The following CHCHD3 variants were observed in gnomAD, a reference collection of about 807,000 sequenced individuals.
CHCHD3 encodes the protein MICOS complex subunit MIC19.
Under a neutral mutation model 38.2 loss-of-function variants are expected in CHCHD3, and 20 were observed. The observed-to-expected ratio is 0.52, with a 90% CI of 0.37 to 0.76. The LOEUF is 0.76. Among genes scored for constraint, CHCHD3 ranks in the 30% least tolerant of loss-of-function variants. The pLI, the probability that CHCHD3 is intolerant of heterozygous loss-of-function variation, is 0.00. For missense variants in CHCHD3, 245 were observed against 279.2 expected (o/e 0.88, Z 0.87); for synonymous variants, 82 against 100.0 (o/e 0.82, Z 1.07).
intron 5 of CHCHD3, among the ~76,000 whole-genome samples, chr7:132,846,379 C>T (rs1808076488): frequency 6.6e-6 from 1 of 152,216 alleles, no homozygotes; most frequent in African/African-American, 2.4e-5. Flanking sequence ...CAGGAGTGAG[C>T]CCAGCTGATA....
At chr7:132,954,009 G>C (rs965974611) in intron 4 of CHCHD3, among the ~76,000 whole-genome samples, 1 of 152,156 alleles carries the variant, frequency 6.6e-6, no homozygotes, top group Non-Finnish European at 1.5e-5. Context: ...AATCAGGAAG[G>C]CTTCTTGAAG....
At chr7:132,991,491 T>G (rs1369335534) in intron 3 of CHCHD3, among the ~76,000 whole-genome samples, 1 of 152,142 alleles carries the variant, frequency 6.6e-6, no homozygotes, top group Non-Finnish European at 1.5e-5. Flanking sequence ...CCATTTTATA[T>G]CATGTTTAAT....
intron 4 of CHCHD3, among the ~76,000 whole-genome samples, chr7:132,945,862 A>G (rs1045318303): frequency 6.6e-6 from 1 of 151,908 alleles, no homozygotes; most frequent in African/African-American, 2.4e-5. Flanking sequence ...GTTCAATGCA[A>G]TCTACATAAA....
intron 4 of CHCHD3, among the ~76,000 whole-genome samples, chr7:132,944,955 T>G (rs1378416643): frequency 1.3e-5 from 2 of 152,028 alleles, no homozygotes; most frequent in Non-Finnish European, 2.9e-5. Flanking sequence ...TTTATTGACT[T>G]TATAGGCAGT....
chr7:132,940,057 T>C (rs1810726575), intron 4 of CHCHD3, among the ~76,000 whole-genome samples: 1 of 152,040 alleles, frequency 6.6e-6, no homozygotes, highest in African/African-American at 2.4e-5. Context: ...GTCACTCCCA[T>C]TAGCAATATT....
At position 132,985,874 on chromosome 7, in the gene CHCHD3, TG is replaced by T. The variant is rs1403258828; in HGVS notation, c.252-10589del. ...CCTACTGGGAAGTGAGGAGCCCCTC[TG>T]CCCGGCCACCACCCCGTCTGGGAGG... is the stretch of plus-strand genomic sequence containing the variant. On this transcript the variant is annotated intron_variant, in intron 3 of 7. Coordinates refer to ENST00000262570, the MANE Select transcript of CHCHD3 (RefSeq NM_017812.4). Among the ~76,000 whole-genome samples the T allele has an allele frequency of 1.7e-4, 22 of 126,138 alleles. No homozygotes were observed. The Admixed American group carries it at 1.8e-3, about 11-fold the overall frequency. 82.8% of individuals were successfully genotyped at this position (126,138 alleles called of 152,430 possible).
intron 3 of CHCHD3, among the ~76,000 whole-genome samples, chr7:133,021,706 T>C (rs969913046): frequency 1.3e-5 from 2 of 152,176 alleles, no homozygotes; most frequent in Non-Finnish European, 2.9e-5. Context: ...GTAGAGTGAC[T>C]AGATATGTGG....
At chr7:132,991,150 T>A (rs180791606) in intron 3 of CHCHD3, among the ~76,000 whole-genome samples, 18 of 152,360 alleles carry the variant, frequency 1.2e-4, no homozygotes, top group Admixed American at 3.9e-4. Flanking sequence ...TTTTTGATTC[T>A]TACATTGAGC....
At chr7:133,010,165 T>G (rs1812822143) in intron 3 of CHCHD3, among the ~76,000 whole-genome samples, 1 of 152,196 alleles carries the variant, frequency 6.6e-6, no homozygotes, top group Non-Finnish European at 1.5e-5. Flanking sequence ...TCAAGGTACT[T>G]GCCCACTCCA....
intron 6 of CHCHD3, among the ~76,000 whole-genome samples, chr7:132,804,572 G>T (rs953872181): frequency 2.0e-5 from 3 of 152,102 alleles, no homozygotes; most frequent in Non-Finnish European, 1.5e-5. Flanking sequence ...AATACCAAGA[G>T]AAGTCAAGAA....
At chr7:132,814,649 T>C (rs992649398) in intron 6 of CHCHD3, among the ~76,000 whole-genome samples, 11 of 152,210 alleles carry the variant, frequency 7.2e-5, no homozygotes, top group African/African-American at 2.7e-4. Context: ...AGTGAGAAAC[T>C]GAAGCCTTAC....
At chr7:132,806,732 A>G (rs1253517496) in intron 6 of CHCHD3, among the ~76,000 whole-genome samples, 1 of 151,966 alleles carries the variant, frequency 6.6e-6, no homozygotes, top group African/African-American at 2.4e-5. Flanking sequence ...TTACATACAG[A>G]TTAAAGAGCC....
intron 3 of CHCHD3, among the ~76,000 whole-genome samples, chr7:133,011,027 G>A (rs1295235381): frequency 6.6e-6 from 1 of 152,140 alleles, no homozygotes; most frequent in Non-Finnish European, 1.5e-5. Context: ...TCTCTGTAGG[G>A]TTATTTGGGA....
chr7:133,054,201 A>G (rs943352640), intron 2 of CHCHD3, among the ~76,000 whole-genome samples: 2 of 152,240 alleles, frequency 1.3e-5, no homozygotes, highest in African/African-American at 2.4e-5. Flanking sequence ...ATAAAGCAAT[A>G]TATTACTCCA....
Position 132,975,256 on chromosome 7 carries a change from C to G in CHCHD3, c.282G>C (p.Glu94Asp). The change falls in exon 4 of 8, where the codon GAG becomes GAC. Residue 94 changes from glutamate to aspartate, a missense_variant. Glu to Asp is a conservative substitution (Grantham distance 45). Transcript: ENST00000262570. ...RLKQAKELDRERAAANEQLTR... is the reference protein window; with the variant it reads ...RLKQAKELDRDRAAANEQLTR... ...TTAACTGCTCATTGGCAGCAGCCCT[C>G]TCTCGGTCCAGCTCTTTGGCTTGCT... 5 of 1,613,172 alleles carry G rather than the reference C, an allele frequency of 3.1e-6. No homozygotes were observed. Among genetic ancestry groups the G allele is most frequent in the South Asian group, 1.1e-5 (1 of 91,020 alleles).
intron 5 of CHCHD3, among the ~76,000 whole-genome samples, chr7:132,855,212 T>C: frequency 6.6e-6 from 1 of 152,222 alleles, no homozygotes. Context: ...CAGTAGATGG[T>C]ACCCTACAGA....
At chr7:132,959,359 C>T (rs1461656999) in intron 4 of CHCHD3, among the ~76,000 whole-genome samples, 1 of 152,176 alleles carries the variant, frequency 6.6e-6, no homozygotes, top group Non-Finnish European at 1.5e-5. Context: ...TGCTTCTGTC[C>T]TATCTTCAGT....
In CHCHD3 at chr7:132,838,435, TA is replaced by T; in HGVS notation, c.487del (p.Tyr163IlefsTer94). 6.2e-7 allele frequency: 1 copy of T among 1,613,026 alleles called. No individual in the cohort carries two copies. The highest frequency in any genetic ancestry group is 1.1e-5 in the South Asian group (1 of 90,984). On this transcript the variant is annotated frameshift_variant, in exon 6 of 8. Coordinates refer to ENST00000262570, the MANE Select transcript of CHCHD3 (RefSeq NM_017812.4). LOFTEE classifies it high-confidence loss of function. ...SEFYRVTTEQ[Y>X]QKAAEEVEAK... ...TTCCACCTCTTCAGCAGCTTTCTGA[TA>T]TTGTTCAGTGGTGACTCTGTAGAAC...
At chr7:132,827,099 C>G (rs1223689830) in intron 6 of CHCHD3, among the ~76,000 whole-genome samples, 2 of 152,164 alleles carry the variant, frequency 1.3e-5, no homozygotes, top group Non-Finnish European at 2.9e-5. Context: ...AGGAATCCTA[C>G]ATTTAAGACT....
Sources: gnomAD v4.1 joint callset for allele counts (sites outside exome capture counted in the v4.1 genomes callset) on GRCh38, gnomAD v4.1.1 for gene constraint, MANE v1.5 for transcripts, NCBI Gene and HGNC (gene_info 2026-07-23, HGNC 2026-07-21) for gene names.